Variants in SLC1A1 observed in about 807,000 individuals in gnomAD.
The protein encoded by SLC1A1 is solute carrier family 1 member 1.
Under a neutral mutation model 53.3 loss-of-function variants are expected in SLC1A1, and 43 were observed. The ratio of observed to expected loss-of-function variants is 0.81; its 90% CI spans 0.63 to 1.04. The LOEUF (loss-of-function observed/expected upper bound fraction) is 1.04. Among genes scored for constraint, SLC1A1 ranks in the 50% least tolerant of loss-of-function variants. The pLI is 0.00. For missense variants in SLC1A1, 748 were observed against 664.9 expected, an observed-to-expected ratio of 1.12 and a Z score of -1.37; for synonymous variants, 307 against 243.2, an observed-to-expected ratio of 1.26 and a Z score of -2.44.
intron 1 of SLC1A1, among the ~76,000 whole-genome samples, chr9:4,532,230 G>A (rs1035414375): frequency 1.4e-4 from 21 of 152,164 alleles, no homozygotes; most frequent in Non-Finnish European, 1.5e-4. Context: ...TTGACGAGTT[G>A]AGAGAAGAAG....
chr9:4,581,026 T>C (rs552032728), intron 10 of SLC1A1, among the ~76,000 whole-genome samples: 4 of 152,212 alleles, frequency 2.6e-5, no homozygotes, highest in Non-Finnish European at 5.9e-5. Context: ...CCAGATGCCT[T>C]ACGTGTATTA....
intron 1 of SLC1A1, among the ~76,000 whole-genome samples, chr9:4,516,500 G>A (rs1194317101): frequency 1.3e-5 from 2 of 151,928 alleles, no homozygotes; most frequent in Admixed American, 6.6e-5. Flanking sequence ...ACCTTTACCC[G>A]ACCCAAACTA....
intron 1 of SLC1A1, among the ~76,000 whole-genome samples, chr9:4,509,809 C>T (rs1192488447): frequency 1.3e-5 from 2 of 152,100 alleles, no homozygotes; most frequent in Non-Finnish European, 2.9e-5. Context: ...TGAAAAGATA[C>T]AAAGTCTAGG....
intron 4 of SLC1A1, 117 bp from the exon 5 acceptor site, chr9:4,565,930 G>T: frequency 7.2e-6 from 6 of 830,620 alleles, no homozygotes; most frequent in Non-Finnish European, 1.1e-5. Context: ...CAAAGCAGGG[G>T]CCAGAAGAGA....
chr9:4,540,314 T>C (rs1026536275), intron 1 of SLC1A1, among the ~76,000 whole-genome samples: 2 of 152,060 alleles, frequency 1.3e-5, no homozygotes, highest in Admixed American at 6.6e-5. Context: ...TTCACCACCC[T>C]TCAATTCATT....
At chr9:4,574,381 T>C (rs1243051484) in intron 8 of SLC1A1, among the ~76,000 whole-genome samples, 2 of 152,200 alleles carry the variant, frequency 1.3e-5, no homozygotes, top group Admixed American at 6.5e-5. Flanking sequence ...ATAGCCTCCA[T>C]GTACCCTGAA....
At chr9:4,525,382 T>C (rs904190213) in intron 1 of SLC1A1, among the ~76,000 whole-genome samples, 1 of 152,126 alleles carries the variant, frequency 6.6e-6, no homozygotes, top group Non-Finnish European at 1.5e-5. Flanking sequence ...AAAACTGTCC[T>C]GGAGGACTTG....
At chr9:4,544,519 A>T in intron 1 of SLC1A1, 48 bp from the exon 2 acceptor site, 1 of 1,567,338 alleles carries the variant, frequency 6.4e-7, no homozygotes, top group South Asian at 1.1e-5. Flanking sequence ...GATACAGGAG[A>T]ACTCAATAAT....
At chr9:4,564,189 G>T (rs986242507) in intron 3 of SLC1A1, among the ~76,000 whole-genome samples, 155 bp from the exon 4 acceptor site, 1 of 152,182 alleles carries the variant, frequency 6.6e-6, no homozygotes. Flanking sequence ...TGGCTGCTGA[G>T]GTTCCAGAGG....
At position 4,556,905 on chromosome 9, in the gene SLC1A1, G is replaced by A. The variant is rs866940815; in HGVS notation, c.233-4544G>A. 6.6e-6 allele frequency among the ~76,000 whole-genome samples: 1 copy of A among 152,104 alleles called. No individual in the cohort carries two copies. The highest frequency in any genetic ancestry group is 2.4e-5 in the African/African-American group (1 of 41,420). On this transcript the variant is annotated intron_variant, in intron 2 of 11. Coordinates refer to ENST00000262352, the MANE Select transcript of SLC1A1 (RefSeq NM_004170.6). This position sits in a 1 kb window ranked among gnomAD's most constrained non-coding sequence, Gnocchi z 4.1. ...GTGGTGATTAGGAAAACGGCTTTGGGGGGTGGTTTTGCACAACAACAACAA... is the reference window on the plus strand; with the variant it reads ...GTGGTGATTAGGAAAACGGCTTTGGAGGGTGGTTTTGCACAACAACAACAA...
At chr9:4,499,170 G>A (rs552568266) in intron 1 of SLC1A1, among the ~76,000 whole-genome samples, 1 of 150,612 alleles carries the variant, frequency 6.6e-6, no homozygotes, top group African/African-American at 2.4e-5. Context: ...TTAGCCTCCC[G>A]AGTAGCTGGG....
At position 4,533,002 on chromosome 9, in the gene SLC1A1, C is replaced by A. The variant is rs150569331; in HGVS notation, c.92-11565C>A. Among the ~76,000 whole-genome samples, 9 of 152,208 alleles carry A rather than the reference C, an allele frequency of 5.9e-5. 1 individual carries two copies. The East Asian group carries it at 1.7e-3, about 29-fold the overall frequency. On this transcript the variant is annotated intron_variant, in intron 1 of 11. Coordinates refer to ENST00000262352, the MANE Select transcript of SLC1A1 (RefSeq NM_004170.6). ...AAGGAGAAATAAAATACTTTACAGA[C>A]AAGCAAATGCTGAGAGATTTTGTCA... is the stretch of plus-strand genomic sequence containing the variant.
chr9:4,549,374 T>C lies in SLC1A1; in HGVS notation c.232+4667T>C, dbSNP rs1045548213. ...TCCTAAGACAGGAGCAGAAGCTTAATTCTCCAAAGTGCAGCTGAGACCACA... is the reference window on the plus strand; with the variant it reads ...TCCTAAGACAGGAGCAGAAGCTTAACTCTCCAAAGTGCAGCTGAGACCACA... On this transcript the variant is annotated intron_variant, in intron 2 of 11. Transcript: ENST00000262352. The surrounding 1 kb of genome is among the most constrained non-coding windows in gnomAD (Gnocchi z 4.1). Among the ~76,000 whole-genome samples, 1 of 152,168 alleles carries C rather than the reference T, an allele frequency of 6.6e-6. No individual in the cohort carries two copies. The highest frequency in any genetic ancestry group is 1.5e-5 in the Non-Finnish European group (1 of 68,032).
intron 1 of SLC1A1, among the ~76,000 whole-genome samples, chr9:4,518,650 G>A (rs1188738900): frequency 6.6e-6 from 1 of 152,232 alleles, no homozygotes; most frequent in South Asian, 2.1e-4. Flanking sequence ...TGTCAATGTA[G>A]TGTCTGTAGC....
At chr9:4,537,078 G>C (rs1046575077) in intron 1 of SLC1A1, among the ~76,000 whole-genome samples, 1 of 151,932 alleles carries the variant, frequency 6.6e-6, no homozygotes, top group Admixed American at 6.6e-5. Context: ...AGCATTAGGA[G>C]ATATACCTAA....
At chr9:4,545,648 G>T (rs1047933360) in intron 2 of SLC1A1, among the ~76,000 whole-genome samples, 5 of 152,216 alleles carry the variant, frequency 3.3e-5, no homozygotes, top group African/African-American at 1.2e-4. Context: ...GGGACCAGCA[G>T]TCAAGTTCTG....
rs1185578002 is a variant in SLC1A1 at position 4,549,043 on chromosome 9, C to G, written c.232+4336C>G. 6.6e-6 allele frequency among the ~76,000 whole-genome samples: 1 copy of G among 152,158 alleles called. No individual in the cohort carries two copies. The highest frequency in any genetic ancestry group is 2.4e-5 in the African/African-American group (1 of 41,432). On this transcript the variant is annotated intron_variant, in intron 2 of 11. Coordinates refer to ENST00000262352, the MANE Select transcript of SLC1A1 (RefSeq NM_004170.6). The surrounding 1 kb of genome is among the most constrained non-coding windows in gnomAD (Gnocchi z 4.1). ...TGGCTCTGGAAAAATCCTGGTCCAG[C>G]CAGTGAGTTTAAATTCAGGTCACAT... is the stretch of plus-strand genomic sequence containing the variant.
intron 3 of SLC1A1, among the ~76,000 whole-genome samples, chr9:4,561,755 G>T (rs1407841126): frequency 1.3e-5 from 2 of 152,118 alleles, no homozygotes; most frequent in African/African-American, 4.8e-5. Context: ...GCCGGGTATG[G>T]TAACATGCGC....
intron 1 of SLC1A1, among the ~76,000 whole-genome samples, chr9:4,540,571 G>C (rs1320024376): frequency 6.6e-6 from 1 of 152,162 alleles, no homozygotes. Flanking sequence ...ACTGCCTCAG[G>C]ACTCTGCACG....
Sources: allele counts gnomAD v4.1 joint callset (sites outside exome capture counted in the v4.1 genomes callset), GRCh38; gene constraint gnomAD v4.1.1; non-coding constraint Gnocchi (gnomAD v3.1); transcripts MANE v1.5; gene names NCBI Gene and HGNC (gene_info 2026-07-23, HGNC 2026-07-21).